Variants in PLB1 observed in about 807,000 individuals in gnomAD.
The protein encoded by PLB1 is phospholipase B1, also known as phospholipase B1, membrane-associated.
A neutral mutation model predicts 227.4 loss-of-function variants in PLB1; 242 were observed. The ratio of observed to expected loss-of-function variants is 1.06; its 90% confidence interval spans 0.96 to 1.18. The LOEUF is 1.18. Among genes scored for constraint, PLB1 ranks in the 50% most tolerant of loss-of-function variants. PLB1 has a pLI of 0.00. For synonymous variants in PLB1, 757 were observed against 682.2 expected (o/e 1.11, Z -1.71); for missense variants, 1,858 against 1,816.3 (o/e 1.02, Z -0.42).
chr2:28,585,685 A>G, intron 25 of PLB1, 76 bp from the exon 26 acceptor site: 1 of 1,209,524 alleles, frequency 8.3e-7, no homozygotes, highest in Middle Eastern at 2.1e-4. Context: ...TTGAGTCTCA[A>G]GCCAGCGTTT....
At position 28,626,878 on chromosome 2, in the gene PLB1, A is replaced by G. The variant is rs370256110; in HGVS notation, c.3660+370A>G. ...GTTTCATTTTGAGGAAGGGCAAAACAATGTTCTAAATGGGGTTGGATGGGT... is the reference window on the plus strand; with the variant it reads ...GTTTCATTTTGAGGAAGGGCAAAACGATGTTCTAAATGGGGTTGGATGGGT... On this transcript the variant is annotated intron_variant, in intron 51 of 57. Coordinates refer to ENST00000327757, the MANE Select transcript of PLB1 (RefSeq NM_153021.5). 1.1e-4 allele frequency among the ~76,000 whole-genome samples: 16 copies of G among 152,226 alleles called. 1 individual carries two copies. The highest frequency in any genetic ancestry group is 3.9e-4 in the African/African-American group (16 of 41,542).
chr2:28,552,119 C>T (rs1347455243), intron 16 of PLB1, among the ~76,000 whole-genome samples: 2 of 152,182 alleles, frequency 1.3e-5, no homozygotes, highest in Non-Finnish European at 2.9e-5. Flanking sequence ...ATAATAGGTA[C>T]TGTAATGCAT....
chr2:28,545,456 G>A, intron 14 of PLB1, among the ~76,000 whole-genome samples: 1 of 152,198 alleles, frequency 6.6e-6, no homozygotes. Flanking sequence ...TCAGCCATGA[G>A]AAGCGACGGG....
At chr2:28,591,679 G>T in intron 30 of PLB1, 21 bp from the exon 31 acceptor site, 1 of 1,612,898 alleles carries the variant, frequency 6.2e-7, no homozygotes. Context: ...TGAGATTCTG[G>T]GATTTGTTCT....
intron 44 of PLB1, among the ~76,000 whole-genome samples, chr2:28,615,567 G>T (rs1486219614): frequency 6.6e-6 from 1 of 152,206 alleles, no homozygotes; most frequent in Non-Finnish European, 1.5e-5. Flanking sequence ...GGGTTATGCT[G>T]TGTCCAGCCT....
At chr2:28,634,168 C>T (rs1283984205) in intron 56 of PLB1, among the ~76,000 whole-genome samples, 1 of 152,190 alleles carries the variant, frequency 6.6e-6, no homozygotes, top group African/African-American at 2.4e-5. Context: ...GGTTTTCCTC[C>T]TGTGGACATC....
At chr2:28,575,631 C>T (rs888363935) in intron 21 of PLB1, among the ~76,000 whole-genome samples, 36 of 152,130 alleles carry the variant, frequency 2.4e-4, no homozygotes, top group Non-Finnish European at 3.7e-4. Flanking sequence ...AGTGCAGTGG[C>T]GCGATCTCCA....
intron 15 of PLB1, 128 bp downstream of exon 15, chr2:28,549,059 C>T: frequency 1.2e-6 from 1 of 812,184 alleles, no homozygotes; most frequent in Non-Finnish European, 2.0e-6. Flanking sequence ...TCTGGGCCTG[C>T]ACACAGTTTT....
chr2:28,614,427 C>T (rs79047053), intron 44 of PLB1, among the ~76,000 whole-genome samples: 3,552 of 152,190 alleles, frequency 0.023, 145 homozygotes, highest in African/African-American at 0.08. Flanking sequence ...TGTGATGTGG[C>T]GTTGACTTCT....
chr2:28,591,296 C>G (rs561725978), intron 30 of PLB1, 125 bp downstream of exon 30: 5 of 1,187,786 alleles, frequency 4.2e-6, no homozygotes, highest in Non-Finnish European at 6.2e-6. Context: ...AAAGGCCACC[C>G]ACCTGACCTT....
chr2:28,636,043 A>ATGTGTG (rs138091852), intron 56 of PLB1, among the ~76,000 whole-genome samples: 3 of 145,738 alleles, frequency 2.1e-5, no homozygotes, highest in Non-Finnish European at 4.5e-5. Context: ...GTGTGTGTGT[A>ATGTGTG]TGTATGTGTA....
chr2:28,582,043 C>G, intron 23 of PLB1, 25 bp from the exon 24 acceptor site: 2 of 1,602,328 alleles, frequency 1.2e-6, no homozygotes, highest in Admixed American at 1.7e-5. Context: ...AAATGGTGTT[C>G]AAGGGACACT....
At chr2:28,635,690 G>A (rs186787235) in intron 56 of PLB1, among the ~76,000 whole-genome samples, 4 of 150,578 alleles carry the variant, frequency 2.7e-5, no homozygotes, top group East Asian at 3.9e-4. Flanking sequence ...CGTCCTTCTC[G>A]AGACTTTTGC....
intron 46 of PLB1, 126 bp downstream of exon 46, chr2:28,618,525 T>C (rs2148323909): frequency 1.1e-6 from 1 of 929,586 alleles, no homozygotes. Flanking sequence ...GGCCTACCCA[T>C]GTCAGGCACT....
At chr2:28,572,440 C>T (rs1336721727) in intron 20 of PLB1, among the ~76,000 whole-genome samples, 1 of 152,172 alleles carries the variant, frequency 6.6e-6, no homozygotes, top group Non-Finnish European at 1.5e-5. Context: ...CACACAAAAA[C>T]TTGTACACAA....
At chr2:28,524,903 A>G (rs1670027253) in intron 4 of PLB1, among the ~76,000 whole-genome samples, 1 of 139,100 alleles carries the variant, frequency 7.2e-6, no homozygotes, top group East Asian at 2.1e-4. Flanking sequence ...GCTGGAGTGC[A>G]GTGGCACCAT....
At chr2:28,604,833 C>T (rs930961631) in intron 41 of PLB1, 74 bp downstream of exon 41, 18 of 1,328,872 alleles carry the variant, frequency 1.4e-5, no homozygotes, top group African/African-American at 8.7e-5. Flanking sequence ...GTTGCTTCCA[C>T]GAGCATGTGC....
chr2:28,544,868 C>T (rs78306033), intron 14 of PLB1, among the ~76,000 whole-genome samples: 3,271 of 152,212 alleles, frequency 0.021, 57 homozygotes, highest in Non-Finnish European at 0.033. Flanking sequence ...GGAGATAAGG[C>T]TCCCAGCGTG....
chr2:28,617,629 C>T lies in PLB1; in HGVS notation c.3196-98C>T, dbSNP rs1284827306. 4 of 1,138,944 alleles carry T rather than the reference C, an allele frequency of 3.5e-6. No individual in the cohort carries two copies. The South Asian group carries it at 3.7e-5, about 11-fold the overall frequency. The allele number at this position is 1,138,944 out of a possible 1,614,324, so 70.6% of individuals were successfully genotyped here. ...ATCCTGTATGGTGACTCATTTCTAG[C>T]CTCCATCAAAAATCCCTTAGCTGGT... On this transcript the variant is annotated intron_variant, in intron 44 of 57. Coordinates refer to ENST00000327757, the MANE Select transcript of PLB1 (RefSeq NM_153021.5).
Sources: gnomAD v4.1 joint callset for allele counts (sites outside exome capture counted in the v4.1 genomes callset) on GRCh38, gnomAD v4.1.1 for gene constraint, MANE v1.5 for transcripts, NCBI Gene and HGNC (gene_info 2026-07-23, HGNC 2026-07-21) for gene names.